The following CCNY variants were observed in gnomAD, a reference collection of about 807,000 sequenced individuals.
The protein encoded by CCNY is cyclin Y.
A neutral mutation model predicts 42.8 loss-of-function variants in CCNY; 19 were observed. The ratio of observed to expected loss-of-function variants is 0.44; its 90% confidence interval spans 0.31 to 0.65. The LOEUF (loss-of-function observed/expected upper bound fraction) is 0.65. Among genes scored for constraint, CCNY ranks in the 30% least tolerant of loss-of-function variants. The probability of loss-of-function intolerance (pLI) is 0.07; values close to 1 mark genes in which losing one functional copy is unlikely to be tolerated. For missense variants in CCNY, 370 were observed against 437.3 expected (o/e 0.85, Z 1.37); for synonymous variants, 165 against 162.7 (o/e 1.01, Z -0.11).
intron 1 of CCNY, among the ~76,000 whole-genome samples, chr10:35,438,279 G>T (rs1838584227): frequency 6.6e-6 from 1 of 151,222 alleles, no homozygotes; most frequent in South Asian, 2.1e-4. Context: ...CTTCCAAGTA[G>T]CTGGGATTAT....
chr10:35,336,470 G>A (rs1373999393), upstream of CCNY: 3 of 151,256 alleles, frequency 2.0e-5, no homozygotes, highest in Non-Finnish European at 4.4e-5. Context: ...CGGGGGCTGC[G>A]GCGAGGGCGG....
intron 7 of CCNY, among the ~76,000 whole-genome samples, chr10:35,548,527 A>G (rs1308221067): frequency 6.6e-6 from 1 of 151,986 alleles, no homozygotes; most frequent in Non-Finnish European, 1.5e-5. Flanking sequence ...CGATCTCCTG[A>G]CCTTGTGATC....
rs556023102 is a variant in CCNY at position 35,396,834 on chromosome 10, G to A, written c.154+59627G>A. ...TGAGGCTCCCAAGGCAGGATCTGGA[G>A]GCGCAGACTGTTCAGGCAGCCTTGT... On this transcript the variant is annotated intron_variant, in intron 1 of 9. Transcript: ENST00000374704. 4.6e-5 allele frequency among the ~76,000 whole-genome samples: 7 copies of A among 152,342 alleles called. No homozygotes were observed. In the South Asian group the frequency reaches 1.5e-3, roughly 32 times the overall value.
At chr10:35,384,074 C>T (rs192420125) in intron 1 of CCNY, among the ~76,000 whole-genome samples, 1 of 152,020 alleles carries the variant, frequency 6.6e-6, no homozygotes, top group South Asian at 2.1e-4. Context: ...ACTCCCTCAC[C>T]ATAAATTCTG....
intron 3 of CCNY, among the ~76,000 whole-genome samples, chr10:35,252,221 A>G (rs925886530): frequency 3.9e-5 from 6 of 152,100 alleles, no homozygotes; most frequent in Non-Finnish European, 5.9e-5. Context: ...ATTTCCCCTC[A>G]AAGGTTATGT....
intron 4 of CCNY, among the ~76,000 whole-genome samples, chr10:35,522,558 A>G (rs1840570469): frequency 6.6e-6 from 1 of 151,750 alleles, no homozygotes; most frequent in Non-Finnish European, 1.5e-5. Flanking sequence ...GACCCCACCC[A>G]AGATAGATTG....
At chr10:35,446,994 AG>A (rs1276999141) in intron 1 of CCNY, among the ~76,000 whole-genome samples, 9 of 152,226 alleles carry the variant, frequency 5.9e-5, no homozygotes, top group African/African-American at 1.9e-4. Flanking sequence ...AAGGTGGTTT[AG>A]GTCTGGGCAC....
chr10:35,318,757 TA>T (rs376570406), intron 3 of CCNY, among the ~76,000 whole-genome samples: 124 of 147,112 alleles, frequency 8.4e-4, no homozygotes, highest in African/African-American at 2.7e-3. Context: ...GATGATTCAG[TA>T]AAAAAAAAAT....
At chr10:35,512,114 A>G (rs1311812228) in intron 3 of CCNY, among the ~76,000 whole-genome samples, 1 of 152,260 alleles carries the variant, frequency 6.6e-6, no homozygotes, top group Admixed American at 6.5e-5. Flanking sequence ...AATAGAATCG[A>G]TAGCACTTGA....
At chr10:35,483,917 G>T (rs1328130719) in intron 2 of CCNY, among the ~76,000 whole-genome samples, 1 of 152,120 alleles carries the variant, frequency 6.6e-6, no homozygotes, top group Non-Finnish European at 1.5e-5. Flanking sequence ...CATACTGTAG[G>T]TGCAGATGTT....
At position 35,515,816 on chromosome 10, in the gene CCNY, T is replaced by G. The variant is rs116538744; in HGVS notation, c.265-707T>G. The stretch of plus-strand genomic sequence containing the variant: ...CTATAAATTCTATTTACTTCACCAG[T>G]ACCTTCTAGAAGGAATTCTGTTCTA... On this transcript the variant is annotated intron_variant, in intron 3 of 9. Transcript: ENST00000374704. 6.8e-3 allele frequency among the ~76,000 whole-genome samples: 1,034 copies of G among 152,300 alleles called. 11 individuals carry two copies. The highest frequency in any genetic ancestry group is 0.024 in the African/African-American group (988 of 41,562).
chr10:35,414,657 C>G (rs1431132892), intron 1 of CCNY, among the ~76,000 whole-genome samples: 1 of 152,152 alleles, frequency 6.6e-6, no homozygotes, highest in Non-Finnish European at 1.5e-5. Flanking sequence ...AGTAGGACTC[C>G]GTGATACATC....
At chr10:35,431,159 A>T (rs1393282917) in intron 1 of CCNY, among the ~76,000 whole-genome samples, 1 of 151,992 alleles carries the variant, frequency 6.6e-6, no homozygotes, top group Admixed American at 6.6e-5. Flanking sequence ...TTTGGTCATA[A>T]ACCTTTCTGG....
chr10:35,362,985 CG>C (rs979257107), intron 1 of CCNY, among the ~76,000 whole-genome samples: 5 of 144,082 alleles, frequency 3.5e-5, no homozygotes, highest in Non-Finnish European at 6.1e-5. Flanking sequence ...CCAGACAGGG[CG>C]GCGGCCGGGC....
intron 1 of CCNY, among the ~76,000 whole-genome samples, chr10:35,439,640 C>G (rs963302740): frequency 2.6e-5 from 4 of 151,458 alleles, no homozygotes; most frequent in South Asian, 2.1e-4. Context: ...TCTCTGTCAT[C>G]TCAGTGCTGG....
At chr10:35,376,918 T>G (rs892154871) in intron 1 of CCNY, among the ~76,000 whole-genome samples, 2 of 152,172 alleles carry the variant, frequency 1.3e-5, no homozygotes, top group Non-Finnish European at 2.9e-5. Flanking sequence ...GAGTGACTGC[T>G]AAAGGGTTTG....
intron 1 of CCNY, among the ~76,000 whole-genome samples, chr10:35,373,360 G>A (rs1836980200): frequency 6.6e-6 from 1 of 152,182 alleles, no homozygotes; most frequent in African/African-American, 2.4e-5. Flanking sequence ...GTCAGCAATG[G>A]ATTCCTTGCC....
rs375487484 is a variant in CCNY, at chr10:35,459,462, C to T, written c.155-23942C>T. ...ACTGTATTTTATGTGTGGCCCAAGA[C>T]AATTCTTTTTCTTCCATTGTGGCCC... On this transcript the variant is annotated intron_variant, in intron 1 of 9. Transcript: ENST00000374704. 2.9e-4 allele frequency among the ~76,000 whole-genome samples: 44 copies of T among 152,314 alleles called. No individual in the cohort carries two copies. The East Asian group carries it at 7.3e-3, about 25-fold the overall frequency.
At chr10:35,252,565 CAAAAAAAAAAAAA>C (rs755376669) in intron 3 of CCNY, among the ~76,000 whole-genome samples, 221 of 21,546 alleles carry the variant, frequency 0.01, no homozygotes, top group African/African-American at 0.034. Flanking sequence ...GACTCCGTCT[CAAAAAAAAAAAAA>C]AAAAAAAAAA....
Sources: gnomAD v4.1 joint callset for allele counts (sites outside exome capture counted in the v4.1 genomes callset) on GRCh38, gnomAD v4.1.1 for gene constraint, MANE v1.5 for transcripts, NCBI Gene and HGNC (gene_info 2026-07-23, HGNC 2026-07-21) for gene names.